Variants in TMPRSS11E observed in about 807,000 individuals in gnomAD.
The protein encoded by TMPRSS11E is transmembrane serine protease 11E.
Under a neutral mutation model 48.1 loss-of-function variants are expected in TMPRSS11E, and 38 were observed. That is an observed-to-expected ratio of 0.79 (90% CI 0.61 to 1.04). The LOEUF is 1.04. Ranked by LOEUF, TMPRSS11E falls within the 50% of genes least tolerant of loss-of-function variation. The pLI, the probability that TMPRSS11E is intolerant of heterozygous loss-of-function variation, is 0.00. For synonymous variants in TMPRSS11E, 158 were observed against 171.9 expected, an observed-to-expected ratio of 0.92 and a Z score of 0.63; for missense variants, 530 against 510.8, an observed-to-expected ratio of 1.04 and a Z score of -0.36.
chr4:68,490,547 C>G (rs1729686974), intron 9 of TMPRSS11E, among the ~76,000 whole-genome samples: 1 of 151,944 alleles, frequency 6.6e-6, no homozygotes, highest in Non-Finnish European at 1.5e-5. Flanking sequence ...GGTTAGGCCT[C>G]TTCTGATAAC....
chr4:68,462,604 A>G (rs1181071369), intron 2 of TMPRSS11E, among the ~76,000 whole-genome samples: 1 of 151,270 alleles, frequency 6.6e-6, no homozygotes, highest in Admixed American at 6.6e-5. Context: ...AAAAAATCCA[A>G]CTCGTTGAAG....
At chr4:68,472,146 C>T (rs1455418157) in intron 5 of TMPRSS11E, among the ~76,000 whole-genome samples, 2 of 151,804 alleles carry the variant, frequency 1.3e-5, no homozygotes, top group East Asian at 1.9e-4. Flanking sequence ...GTTTGTAGGG[C>T]CACATGGGAC....
At chr4:68,448,996 G>A (rs935508441) in intron 1 of TMPRSS11E, among the ~76,000 whole-genome samples, 1 of 151,726 alleles carries the variant, frequency 6.6e-6, no homozygotes, top group East Asian at 1.9e-4. Context: ...TCTTCTTAAG[G>A]TCATTGGTTT....
At chr4:68,484,804 C>A (rs1729506711) in intron 9 of TMPRSS11E, among the ~76,000 whole-genome samples, 1 of 152,168 alleles carries the variant, frequency 6.6e-6, no homozygotes, top group South Asian at 2.1e-4. Context: ...ATTTTGTATT[C>A]AGAAACTTTA....
At chr4:68,473,057 A>T (rs1422885748) in intron 5 of TMPRSS11E, among the ~76,000 whole-genome samples, 1 of 152,084 alleles carries the variant, frequency 6.6e-6, no homozygotes, top group Non-Finnish European at 1.5e-5. Flanking sequence ...CCTCAATGGA[A>T]ATAGTACAAA....
chr4:68,460,321 C>G lies in TMPRSS11E; in HGVS notation c.12-1500C>G, dbSNP rs185188221. ...TTCCTGATCCTATATCATCAGGAAA[C>G]AGAGCGTTCTTGTTTTCTGTAAACA... On this transcript the variant is annotated intron_variant, in intron 1 of 9. Coordinates refer to ENST00000305363, the MANE Select transcript of TMPRSS11E (RefSeq NM_014058.4). Among the ~76,000 whole-genome samples the G allele has an allele frequency of 2.0e-5, 3 of 152,274 alleles. No individual in the cohort carries two copies. In the East Asian group the frequency reaches 5.8e-4, roughly 29 times the overall value.
At chr4:68,476,839 G>A (rs1275998434) in intron 7 of TMPRSS11E, among the ~76,000 whole-genome samples, 1 of 152,006 alleles carries the variant, frequency 6.6e-6, no homozygotes, top group Non-Finnish European at 1.5e-5. Context: ...TAAATACGAA[G>A]AATTATGTAA....
chr4:68,461,794 A>G (rs796065412), intron 1 of TMPRSS11E, 27 bp from the exon 2 acceptor site: 6 of 1,613,890 alleles, frequency 3.7e-6, no homozygotes, highest in Non-Finnish European at 3.4e-6. Flanking sequence ...GCTCTGAAAT[A>G]ATCTATCTAT....
intron 9 of TMPRSS11E, among the ~76,000 whole-genome samples, chr4:68,488,433 C>T (rs1033499003): frequency 6.6e-6 from 1 of 152,152 alleles, no homozygotes; most frequent in African/African-American, 2.4e-5. Context: ...TCAGTTTGAT[C>T]TGTTCTGCTG....
In TMPRSS11E at chr4:68,469,626, G is replaced by C. The variant is rs569222368; in HGVS notation, c.326+680G>C. The stretch of plus-strand genomic sequence containing the variant: ...TCTTCTAAAAATTCTGTACTCTCTG[G>C]TGTTTGAGATACTGCCCTTTCTTGG... On this transcript the variant is annotated intron_variant, in intron 4 of 9. Coordinates refer to ENST00000305363, the MANE Select transcript of TMPRSS11E (RefSeq NM_014058.4). Among the ~76,000 whole-genome samples the C allele has an allele frequency of 9.9e-5, 15 of 151,866 alleles. No homozygotes were observed. The South Asian group carries it at 3.1e-3, about 32-fold the overall frequency.
chr4:68,473,399 G>A (rs1282015814), intron 5 of TMPRSS11E, among the ~76,000 whole-genome samples: 1 of 152,076 alleles, frequency 6.6e-6, no homozygotes, highest in African/African-American at 2.4e-5. Context: ...TAATGGAAGG[G>A]ATAGCACACT....
chr4:68,458,560 T>C lies in TMPRSS11E; in HGVS notation c.12-3261T>C, dbSNP rs185170614. Among the ~76,000 whole-genome samples, 532 of 152,318 alleles carry C rather than the reference T, an allele frequency of 3.5e-3. 6 individuals are homozygous for C. Among genetic ancestry groups the C allele is most frequent in the African/African-American group, 0.012 (516 of 41,582 alleles). Reference sequence around the variant, plus strand: ...TATTGACTGGACAAGTGTTTATGTATGTTCAGGAGGAGGTTAATTATACAA... The same window carrying C: ...TATTGACTGGACAAGTGTTTATGTACGTTCAGGAGGAGGTTAATTATACAA... On this transcript the variant is annotated intron_variant, in intron 1 of 9. Coordinates refer to ENST00000305363, the MANE Select transcript of TMPRSS11E (RefSeq NM_014058.4).
intron 1 of TMPRSS11E, among the ~76,000 whole-genome samples, chr4:68,450,101 G>A (rs1427643936): frequency 6.9e-6 from 1 of 145,034 alleles, no homozygotes; most frequent in Non-Finnish European, 1.5e-5. Flanking sequence ...GGATACTGAA[G>A]AGACACTCCT....
intron 3 of TMPRSS11E, 119 bp from the exon 4 acceptor site, chr4:68,468,760 T>C (rs1042687341): frequency 2.5e-6 from 2 of 803,320 alleles, no homozygotes; most frequent in Non-Finnish European, 4.3e-6. Context: ...CCACTCACTG[T>C]GAAATGTCAA....
chr4:68,477,716 T>C (rs1729271815), intron 8 of TMPRSS11E, 88 bp downstream of exon 8: 1 of 1,507,312 alleles, frequency 6.6e-7, no homozygotes, highest in Non-Finnish European at 9.1e-7. Flanking sequence ...CAAAATATGT[T>C]AGTTGTGTGG....
rs141071822 is a variant in TMPRSS11E, at chr4:68,478,149, C to CT, written c.967+537dup. 1.7e-3 allele frequency among the ~76,000 whole-genome samples: 231 copies of CT among 134,228 alleles called. 10 individuals carry two copies. The highest frequency in any genetic ancestry group is 3.8e-3 in the Middle Eastern group (1 of 266). 88.1% of individuals were successfully genotyped at this position (134,228 alleles called of 152,430 possible). A position where few individuals can be genotyped will look rare whatever the true frequency, so the allele number is the denominator to read the frequency against. On this transcript the variant is annotated intron_variant, in intron 8 of 9. Coordinates refer to ENST00000305363, the MANE Select transcript of TMPRSS11E (RefSeq NM_014058.4). ...GTAGTCTAAGATTCTGTATCACTAT[C>CT]TTTTTTTTTTTTTTTTGAGACAGAG...
At chr4:68,457,779 G>T (rs1436576278) in intron 1 of TMPRSS11E, among the ~76,000 whole-genome samples, 1 of 151,266 alleles carries the variant, frequency 6.6e-6, no homozygotes, top group Admixed American at 6.6e-5. Flanking sequence ...CATGTTCTTT[G>T]CAGGGACACG....
Position 68,473,382 on chromosome 4 carries a change from G to A in TMPRSS11E, c.491-1341G>A, listed in dbSNP as rs143870611. ...CTCCAAGGCATGTCAGTCCACCTCT[G>A]CTTACTTAATGGAAGGGATAGCACA... On this transcript the variant is annotated intron_variant, in intron 5 of 9. Transcript: ENST00000305363. 4.3e-3 allele frequency among the ~76,000 whole-genome samples: 651 copies of A among 152,164 alleles called. 8 individuals carry two copies. The highest frequency in any genetic ancestry group is 0.015 in the African/African-American group (637 of 41,532).
intron 2 of TMPRSS11E, among the ~76,000 whole-genome samples, chr4:68,464,975 C>T (rs1728887910): frequency 6.6e-6 from 1 of 152,124 alleles, no homozygotes; most frequent in African/African-American, 2.4e-5. Context: ...AGAATGGATA[C>T]AACTCCACAG....
Sources: gnomAD v4.1 joint callset for allele counts (sites outside exome capture counted in the v4.1 genomes callset) on GRCh38, gnomAD v4.1.1 for gene constraint, MANE v1.5 for transcripts, NCBI Gene and HGNC (gene_info 2026-07-23, HGNC 2026-07-21) for gene names.